Variants in RBFOX1 observed in about 807,000 individuals in gnomAD.
The protein encoded by RBFOX1 is RNA binding fox-1 homolog 1.
A neutral mutation model predicts 57.7 loss-of-function variants in RBFOX1; 8 were observed. The observed-to-expected ratio is 0.14, with a 90% CI of 0.08 to 0.25. RBFOX1 has a LOEUF of 0.25. RBFOX1 is among the 10% of genes least tolerant of loss of function. The probability of loss-of-function intolerance (pLI) is 1.00; values close to 1 mark genes in which losing one functional copy is unlikely to be tolerated. For missense variants in RBFOX1, 611 were observed against 548.5 expected, an observed-to-expected ratio of 1.11 and a Z score of -1.14; for synonymous variants, 326 against 222.4, an observed-to-expected ratio of 1.47 and a Z score of -4.15.
In RBFOX1 at chr16:7,385,163, G is replaced by A. The variant is rs552410062; in HGVS notation, c.28-132984G>A. 3.9e-5 allele frequency among the ~76,000 whole-genome samples: 6 copies of A among 152,308 alleles called. No individual in the cohort carries two copies. In the East Asian group the frequency reaches 1.2e-3, roughly 29 times the overall value. Reference sequence around the variant, plus strand: ...GGTCATACAGGATTTTGTTAACCACGATAATGAATATAAGTTTTATATGAA... The same window carrying A: ...GGTCATACAGGATTTTGTTAACCACAATAATGAATATAAGTTTTATATGAA... On this transcript the variant is annotated intron_variant, in intron 4 of 15. Coordinates refer to ENST00000550418, the MANE Select transcript of RBFOX1 (RefSeq NM_018723.4).
intron 3 of RBFOX1, among the ~76,000 whole-genome samples, chr16:5,733,648 G>C (rs1425529404): frequency 2.0e-5 from 3 of 152,108 alleles, no homozygotes; most frequent in Non-Finnish European, 2.9e-5. Context: ...CACTTGCAGA[G>C]AGCTTTCCCA....
chr16:7,709,642 A>C, intron 15 of RBFOX1: 7 of 1,528,648 alleles, frequency 4.6e-6, no homozygotes, highest in Non-Finnish European at 5.3e-6. Flanking sequence ...AAGAAAATAG[A>C]GAGGGGCACA....
rs960783236 is a variant in RBFOX1 at position 7,412,934 on chromosome 16, C to G, written c.28-105213C>G. ...GTGGGCGCCTGCAGTCCCAGCTACTCGGGAGGCTGAGGCAGGAGAATGGCG... is the reference window on the plus strand; with the variant it reads ...GTGGGCGCCTGCAGTCCCAGCTACTGGGGAGGCTGAGGCAGGAGAATGGCG... On this transcript the variant is annotated intron_variant, in intron 4 of 15. Transcript: ENST00000550418. Among the ~76,000 whole-genome samples, 16 of 152,162 alleles carry G rather than the reference C, an allele frequency of 1.1e-4. No individual in the cohort carries two copies. The South Asian group carries it at 2.7e-3, about 26-fold the overall frequency.
At chr16:7,197,113 A>T (rs2086894598) in intron 4 of RBFOX1, among the ~76,000 whole-genome samples, 1 of 152,088 alleles carries the variant, frequency 6.6e-6, no homozygotes, top group African/African-American at 2.4e-5. Context: ...TCTCCCAGTT[A>T]TTCCTTCTCT....
At chr16:6,858,602 C>T (rs1421159188) in intron 3 of RBFOX1, among the ~76,000 whole-genome samples, 1 of 152,076 alleles carries the variant, frequency 6.6e-6, no homozygotes, top group South Asian at 2.1e-4. Flanking sequence ...ATTTCATTCT[C>T]TTTATGTGAG....
chr16:6,186,946 T>C (rs1407106219), intron 1 of RBFOX1, among the ~76,000 whole-genome samples: 2 of 152,116 alleles, frequency 1.3e-5, no homozygotes, highest in South Asian at 2.1e-4. Flanking sequence ...TCACAAGTCA[T>C]TGGATGTTTC....
At chr16:5,661,149 C>G (rs1596637220) in intron 3 of RBFOX1, among the ~76,000 whole-genome samples, 1 of 152,218 alleles carries the variant, frequency 6.6e-6, no homozygotes, top group South Asian at 2.1e-4. Flanking sequence ...CTATATATCT[C>G]TTTGTGACAC....
At chr16:5,779,133 A>G in intron 3 of RBFOX1, among the ~76,000 whole-genome samples, 1 of 152,190 alleles carries the variant, frequency 6.6e-6, no homozygotes, top group East Asian at 1.9e-4. Context: ...GTTTAGGGTG[A>G]ATTTGAAAAT....
At chr16:5,328,625 C>T (rs2064654001) in intron 1 of RBFOX1, among the ~76,000 whole-genome samples, 1 of 152,214 alleles carries the variant, frequency 6.6e-6, no homozygotes, top group East Asian at 1.9e-4. Flanking sequence ...AGCCCCATGC[C>T]TGTCTGCACG....
At chr16:5,627,264 C>T (rs1056279964) in intron 3 of RBFOX1, among the ~76,000 whole-genome samples, 41 of 152,114 alleles carry the variant, frequency 2.7e-4, no homozygotes, top group African/African-American at 9.9e-4. Context: ...ATCTTCTCTT[C>T]AAGATTTTCT....
intron 4 of RBFOX1, among the ~76,000 whole-genome samples, chr16:5,954,328 G>C (rs1438338157): frequency 6.6e-6 from 1 of 152,140 alleles, no homozygotes; most frequent in Non-Finnish European, 1.5e-5. Flanking sequence ...TCTAACTCAG[G>C]CCGGGTGGGG....
chr16:7,040,940 G>T (rs1289129561), intron 3 of RBFOX1, among the ~76,000 whole-genome samples: 2 of 150,812 alleles, frequency 1.3e-5, no homozygotes, highest in African/African-American at 4.9e-5. Context: ...GGGGGGGAAG[G>T]AGTCTTGCTC....
rs780931691 is a variant in RBFOX1, at chr16:6,773,872, G to A, written c.-16+119222G>A. The A allele has an allele frequency of 7.3e-5, 60 of 822,434 alleles. No homozygotes were observed. The South Asian group carries it at 1.2e-3, about 16-fold the overall frequency. 50.9% of individuals were successfully genotyped at this position (822,434 alleles called of 1,614,324 possible). On this transcript the variant is annotated intron_variant, in intron 3 of 15. Transcript: ENST00000550418. Reference sequence around the variant, plus strand: ...GTATATATGTGTGGATGTAGGGTGCGTTTGTCTGTGTGTATTTGTGTGGGC... The same window carrying A: ...GTATATATGTGTGGATGTAGGGTGCATTTGTCTGTGTGTATTTGTGTGGGC...
chr16:5,858,586 A>T (rs1426271841), intron 3 of RBFOX1, among the ~76,000 whole-genome samples: 1 of 152,226 alleles, frequency 6.6e-6, no homozygotes, highest in East Asian at 1.9e-4. Context: ...ACCATAAGTA[A>T]AACTATTCTT....
intron 4 of RBFOX1, among the ~76,000 whole-genome samples, chr16:7,515,369 C>T (rs950758940): frequency 6.6e-6 from 1 of 150,522 alleles, no homozygotes; most frequent in Non-Finnish European, 1.5e-5. Flanking sequence ...AAGACAGATA[C>T]ATTCTGGAGA....
chr16:5,325,363 C>G (rs990983284), intron 1 of RBFOX1, among the ~76,000 whole-genome samples: 1 of 152,208 alleles, frequency 6.6e-6, no homozygotes, highest in Non-Finnish European at 1.5e-5. Context: ...TGACAAGATC[C>G]TATTCCTGCA....
chr16:5,850,511 C>A (rs2056868742), intron 3 of RBFOX1, among the ~76,000 whole-genome samples: 1 of 152,178 alleles, frequency 6.6e-6, no homozygotes, highest in African/African-American at 2.4e-5. Flanking sequence ...ACCATCATTG[C>A]AGTAGTAGTG....
intron 1 of RBFOX1, among the ~76,000 whole-genome samples, chr16:5,407,829 G>A (rs1220207848): frequency 3.3e-5 from 5 of 152,168 alleles, no homozygotes; most frequent in Admixed American, 6.5e-5. Flanking sequence ...GATTACAGGC[G>A]TGAGCCACTG....
At chr16:6,808,977 T>A (rs141235572) in intron 3 of RBFOX1, among the ~76,000 whole-genome samples, 105 of 152,306 alleles carry the variant, frequency 6.9e-4, no homozygotes, top group African/African-American at 2.3e-3. Context: ...GTGGATGAAC[T>A]GTAACCTAGC....
Sources: allele counts gnomAD v4.1 joint callset (sites outside exome capture counted in the v4.1 genomes callset), GRCh38; gene constraint gnomAD v4.1.1; transcripts MANE v1.5; gene names NCBI Gene and HGNC (gene_info 2026-07-23, HGNC 2026-07-21).